Variants in BAZ1A observed in about 807,000 individuals in gnomAD.
The protein encoded by BAZ1A is bromodomain adjacent to zinc finger domain protein 1A.
BAZ1A carries 50 observed loss-of-function variants against 185.2 expected under a neutral mutation model. The observed-to-expected ratio is 0.27, with a 90% CI of 0.22 to 0.34. The LOEUF (loss-of-function observed/expected upper bound fraction) is 0.34, where lower values mean the gene tolerates loss of function less well. BAZ1A is among the 10% of genes least tolerant of loss of function. The probability of loss-of-function intolerance (pLI) is 1.00; values close to 1 mark genes in which losing one functional copy is unlikely to be tolerated. For synonymous variants in BAZ1A, 571 were observed against 615.6 expected (o/e 0.93, Z 1.07); for missense variants, 1,356 against 1,839.9 (o/e 0.74, Z 4.81).
At position 34,832,215 on chromosome 14, in the gene BAZ1A, C is replaced by CACACACACACACATATATAT; in HGVS notation, c.393-6060_393-6059insATATATATGTGTGTGTGTGT. On this transcript the variant is annotated intron_variant, in intron 3 of 26. Transcript: ENST00000360310. ...ATACACACACACACACACACACACA[C>CACACACACACACATATATAT]ATATATATATATATATGTATGTATG... is the stretch of plus-strand genomic sequence containing the variant. 6.8e-4 allele frequency among the ~76,000 whole-genome samples: 61 copies of CACACACACACACATATATAT among 89,710 alleles called. 1 individual carries two copies. The highest frequency in any genetic ancestry group is 2.6e-3 in the Admixed American group (19 of 7,372). 58.9% of individuals were successfully genotyped at this position (89,710 alleles called of 152,430 possible). A position where few individuals can be genotyped will look rare whatever the true frequency, so the allele number is the denominator to read the frequency against.
intron 3 of BAZ1A, among the ~76,000 whole-genome samples, chr14:34,840,864 C>T (rs1429477945): frequency 6.6e-6 from 1 of 152,190 alleles, no homozygotes; most frequent in African/African-American, 2.4e-5. Flanking sequence ...AGACCACCTA[C>T]TTGTAGACCC....
chr14:34,846,304 G>A (rs1352686031), intron 3 of BAZ1A, among the ~76,000 whole-genome samples: 1 of 151,974 alleles, frequency 6.6e-6, no homozygotes, highest in Non-Finnish European at 1.5e-5. Flanking sequence ...AGTCCTGGTG[G>A]AGACTCAGCT....
intron 3 of BAZ1A, among the ~76,000 whole-genome samples, chr14:34,836,831 T>G (rs1222821056): frequency 2.0e-5 from 3 of 152,026 alleles, no homozygotes; most frequent in Admixed American, 1.3e-4. Flanking sequence ...AGAGTGTGAA[T>G]TATGTCAATT....
chr14:34,865,946 G>C (rs140945771), intron 2 of BAZ1A, among the ~76,000 whole-genome samples: 2 of 152,048 alleles, frequency 1.3e-5, no homozygotes, highest in Non-Finnish European at 2.9e-5. Context: ...CCAGCACTTC[G>C]GCAGGCTGAG....
chr14:34,832,616 A>G (rs1049937578), intron 3 of BAZ1A, among the ~76,000 whole-genome samples: 3 of 152,240 alleles, frequency 2.0e-5, no homozygotes, highest in African/African-American at 7.2e-5. Flanking sequence ...ACGACTTCAC[A>G]CTCACTAAGA....
chr14:34,868,918 G>A (rs1039919138), intron 2 of BAZ1A, among the ~76,000 whole-genome samples: 18 of 133,748 alleles, frequency 1.3e-4, no homozygotes, highest in Admixed American at 3.8e-4. Flanking sequence ...GTGTGTGTGT[G>A]TGTGTGTGTA....
At position 34,832,215 on chromosome 14, in the gene BAZ1A, C is replaced by CACATATATATATATATATATAT; in HGVS notation, c.393-6060_393-6059insATATATATATATATATATATGT. Among the ~76,000 whole-genome samples, 98 of 89,648 alleles carry CACATATATATATATATATATAT rather than the reference C, an allele frequency of 1.1e-3. 3 individuals carry two copies. Among genetic ancestry groups the CACATATATATATATATATATAT allele is most frequent in the African/African-American group, 2.9e-3 (78 of 26,760 alleles). 58.8% of individuals were successfully genotyped at this position (89,648 alleles called of 152,430 possible). ...ATACACACACACACACACACACACACATATATATATATATATGTATGTATG... is the reference window on the plus strand; with the variant it reads ...ATACACACACACACACACACACACACACATATATATATATATATATATATATATATATATATATGTATGTATG... On this transcript the variant is annotated intron_variant, in intron 3 of 26. Coordinates refer to ENST00000360310, the MANE Select transcript of BAZ1A (RefSeq NM_013448.3).
intron 3 of BAZ1A, among the ~76,000 whole-genome samples, chr14:34,856,177 GC>G (rs1344629978): frequency 6.6e-6 from 1 of 152,144 alleles, no homozygotes; most frequent in African/African-American, 2.4e-5. Flanking sequence ...GGGAACCTAG[GC>G]CTAGCCTCAA....
intron 21 of BAZ1A, chr14:34,768,884 A>C (rs1879030867): frequency 3.8e-6 from 1 of 259,930 alleles, no homozygotes; most frequent in South Asian, 4.0e-5. Flanking sequence ...ATCTTAAAAA[A>C]CATCCTCATG....
chr14:34,808,872 C>T (rs141224264), intron 5 of BAZ1A, among the ~76,000 whole-genome samples: 59 of 152,026 alleles, frequency 3.9e-4, no homozygotes, highest in Non-Finnish European at 5.7e-4. Context: ...AAGAAAAAGC[C>T]GTTAAAAGCT....
At chr14:34,830,430 G>C (rs146382873) in intron 3 of BAZ1A, among the ~76,000 whole-genome samples, 6 of 151,050 alleles carry the variant, frequency 4.0e-5, no homozygotes, top group African/African-American at 1.5e-4. Context: ...GAAATATCCA[G>C]AAATCTGGAT....
intron 10 of BAZ1A, among the ~76,000 whole-genome samples, chr14:34,795,128 C>T (rs1345636223): frequency 6.6e-6 from 1 of 152,162 alleles, no homozygotes; most frequent in Non-Finnish European, 1.5e-5. Context: ...ACATTTTCTT[C>T]CTTATACTAA....
intron 3 of BAZ1A, among the ~76,000 whole-genome samples, chr14:34,828,977 C>T (rs138213243): frequency 6.6e-6 from 1 of 152,286 alleles, no homozygotes; most frequent in East Asian, 1.9e-4. Context: ...AGACATTTTG[C>T]TTCTTGTAAA....
intron 12 of BAZ1A, 76 bp downstream of exon 12, chr14:34,792,699 C>G: frequency 6.6e-7 from 1 of 1,513,018 alleles, no homozygotes; most frequent in Non-Finnish European, 9.0e-7. Context: ...GCCAATTTAA[C>G]TTAAAATTGG....
chr14:34,776,620 T>C lies in BAZ1A; in HGVS notation c.2237-105A>G, dbSNP rs1181402736. 4.5e-6 allele frequency: 4 copies of C among 891,350 alleles called. No individual in the cohort carries two copies. In the South Asian group the frequency reaches 5.4e-5, roughly 12 times the overall value. The allele number at this position is 891,350 out of a possible 1,614,324, so 55.2% of individuals were successfully genotyped here. On this transcript the variant is annotated intron_variant, in intron 17 of 26. Transcript: ENST00000360310. ...AGTTATTAGGTGTTATGAACTAAAC[T>C]GTATCCCCTCTCCACAACCCCAAGT... is the stretch of plus-strand genomic sequence containing the variant.
chr14:34,861,956 G>T (rs1162106533), intron 3 of BAZ1A, 88 bp downstream of exon 3: 6 of 1,439,038 alleles, frequency 4.2e-6, no homozygotes, highest in Middle Eastern at 4.5e-4. Context: ...TAAAAGGGAA[G>T]ATTTCCTTAG....
At chr14:34,859,684 T>A (rs1440402340) in intron 3 of BAZ1A, among the ~76,000 whole-genome samples, 1 of 152,222 alleles carries the variant, frequency 6.6e-6, no homozygotes, top group African/African-American at 2.4e-5. Flanking sequence ...CTTTTTCATA[T>A]GCCACCTCTT....
At chr14:34,767,490 C>T (rs1438252301) in intron 21 of BAZ1A, among the ~76,000 whole-genome samples, 2 of 152,128 alleles carry the variant, frequency 1.3e-5, no homozygotes, top group African/African-American at 4.8e-5. Flanking sequence ...GCAAAGGTTG[C>T]AGATTGTGCC....
chr14:34,787,351 CAA>C (rs918534072), intron 12 of BAZ1A, among the ~76,000 whole-genome samples: 2 of 41,480 alleles, frequency 4.8e-5, no homozygotes, highest in Non-Finnish European at 5.6e-5. Flanking sequence ...GACTCTGTCT[CAA>C]AAAAAAAAAA....
Sources: gnomAD v4.1 joint callset for allele counts (sites outside exome capture counted in the v4.1 genomes callset) on GRCh38, gnomAD v4.1.1 for gene constraint, MANE v1.5 for transcripts, NCBI Gene and HGNC (gene_info 2026-07-23, HGNC 2026-07-21) for gene names.